CLEC12A: variants seen among roughly 807,000 people sequenced by gnomAD.
CLEC12A encodes C-type lectin domain family 12 member A, also known as C-type lectin protein CLL-1.
Under a neutral mutation model 26.5 loss-of-function variants are expected in CLEC12A, and 22 were observed. That is an observed-to-expected ratio of 0.83 (90% CI 0.59 to 1.19). The LOEUF is 1.19. Among genes scored for constraint, CLEC12A ranks in the 50% most tolerant of loss-of-function variants. The pLI is 0.00. For synonymous variants in CLEC12A, 119 were observed against 101.9 expected (o/e 1.17, Z -1.01); for missense variants, 353 against 315.6 (o/e 1.12, Z -0.90).
At chr12:9,964,074 C>T (rs1863885303) in intron 1 of CLEC12A, among the ~76,000 whole-genome samples, 1 of 152,178 alleles carries the variant, frequency 6.6e-6, no homozygotes, top group East Asian at 1.9e-4. Flanking sequence ...CATAAAGGAG[C>T]AGCCACAGGA....
At chr12:9,975,988 A>G (rs1864320278) in intron 1 of CLEC12A, among the ~76,000 whole-genome samples, 1 of 152,198 alleles carries the variant, frequency 6.6e-6, no homozygotes, top group Non-Finnish European at 1.5e-5. Context: ...TGAGCCTTTG[A>G]GTGCACAGAA....
downstream of CLEC12A, among the ~76,000 whole-genome samples, chr12:9,988,053 A>G (rs1864811396): frequency 6.6e-6 from 1 of 152,144 alleles, no homozygotes; most frequent in Non-Finnish European, 1.5e-5. Context: ...TTGGGAAGAC[A>G]TGATTGATTT....
chr12:10,002,752 C>A, the CLEC12A span, among the ~76,000 whole-genome samples: 10 of 152,120 alleles, frequency 6.6e-5, no homozygotes, highest in Non-Finnish European at 1.5e-4. Context: ...ATTTGAGGAA[C>A]TTTTTAATCA....
chr12:9,968,033 G>T (rs1864006258), upstream of CLEC12A, among the ~76,000 whole-genome samples: 1 of 152,198 alleles, frequency 6.6e-6, no homozygotes, highest in Non-Finnish European at 1.5e-5. Flanking sequence ...TTAAGAGAGA[G>T]ATTGAAGGGT....
chr12:9,959,076 C>T (rs1477540174), intron 1 of CLEC12A, among the ~76,000 whole-genome samples: 1 of 152,192 alleles, frequency 6.6e-6, no homozygotes, highest in African/African-American at 2.4e-5. Context: ...AAAACTCTTC[C>T]TCCCCAGTTC....
downstream of CLEC12A, among the ~76,000 whole-genome samples, chr12:9,990,422 C>G (rs1565567354): frequency 6.6e-6 from 1 of 152,156 alleles, no homozygotes; most frequent in Non-Finnish European, 1.5e-5. Flanking sequence ...TGCAGGCGTT[C>G]AAGACTTCAG....
chr12:9,992,092 G>A (rs1471338636), intron 4 of CLEC12A: 1 of 152,106 alleles, frequency 6.6e-6, no homozygotes, highest in East Asian at 1.9e-4. Flanking sequence ...AAAAAGGGAA[G>A]CTGTGGGAAA....
chr12:9,966,388 G>A lies in CLEC12A; in HGVS notation c.11-5189G>A, dbSNP rs1006756560. On this transcript the variant is annotated intron_variant, in intron 1 of 6. Coordinates refer to the CLEC12A transcript ENST00000355690. ...GTCAGTCAGAGAGCCTTGGGGCAGAGTTCCAGGGGCTATGGGAGTGGCTGC... is the reference window on the plus strand; with the variant it reads ...GTCAGTCAGAGAGCCTTGGGGCAGAATTCCAGGGGCTATGGGAGTGGCTGC... Among the ~76,000 whole-genome samples the A allele has an allele frequency of 4.4e-5, 5 of 112,436 alleles. No individual in the cohort carries two copies. In the South Asian group the frequency reaches 1.3e-3, roughly 30 times the overall value. 73.8% of individuals were successfully genotyped at this position (112,436 alleles called of 152,430 possible).
chr12:9,998,038 C>T (rs1469327923), downstream of CLEC12A, among the ~76,000 whole-genome samples: 1 of 152,146 alleles, frequency 6.6e-6, no homozygotes, highest in African/African-American at 2.4e-5. Flanking sequence ...TGAGGAGGGT[C>T]TTAAAGGCCA....
intron 1 of CLEC12A, among the ~76,000 whole-genome samples, chr12:9,964,284 A>G (rs1254152971): frequency 3.9e-5 from 6 of 152,154 alleles, no homozygotes; most frequent in Non-Finnish European, 8.8e-5. Flanking sequence ...TTGGAGGTGT[A>G]GGAGACAGGA....
At chr12:9,960,192 G>A (rs1274513402) in intron 1 of CLEC12A, among the ~76,000 whole-genome samples, 2 of 152,190 alleles carry the variant, frequency 1.3e-5, no homozygotes, top group Non-Finnish European at 2.9e-5. Flanking sequence ...AGGGGAAACA[G>A]TCATGCTCTT....
exon 5 of CLEC12A, chr12:9,995,231 T>C (rs778816261): frequency 1.9e-6 from 3 of 1,612,722 alleles, no homozygotes; most frequent in Admixed American, 1.7e-5. Flanking sequence ...AAATGAGTCC[T>C]GGCTTTGATG....
chr12:9,984,110 T>C, intron 5 of CLEC12A: 1 of 205,366 alleles, frequency 4.9e-6, no homozygotes, highest in Non-Finnish European at 1.0e-5. Context: ...GATATATATA[T>C]GTGTGTGTGT....
At position 9,983,536 on chromosome 12, in the gene CLEC12A, T is replaced by C. The variant is rs146488449; in HGVS notation, c.642-1334T>C. 6.4e-4 allele frequency: 446 copies of C among 696,138 alleles called. 3 individuals are homozygous for C. The African/African-American group carries it at 6.7e-3, about 10-fold the overall frequency. The allele number at this position is 696,138 out of a possible 1,614,324, so 43.1% of individuals were successfully genotyped here. On this transcript the variant is annotated intron_variant, in intron 5 of 5. Coordinates refer to ENST00000304361, the MANE Select transcript of CLEC12A (RefSeq NM_138337.6). ...TCTGAAATTTGGGAAGCAGAAAATA[T>C]CAAACGAAGAAAGAAACCAGAGTCT...
chr12:9,970,481 T>C (rs1864088977), upstream of CLEC12A, among the ~76,000 whole-genome samples: 1 of 152,178 alleles, frequency 6.6e-6, no homozygotes, highest in Non-Finnish European at 1.5e-5. Flanking sequence ...TCAAGAAGAA[T>C]TTTAAAGTAA....
intron 1 of CLEC12A, chr12:9,952,774 G>A (rs1863646762): frequency 1.9e-5 from 2 of 103,850 alleles, no homozygotes; most frequent in South Asian, 3.9e-4. Flanking sequence ...AGTGAGGAGC[G>A]TCTCTGCCCG....
At position 9,979,463 on chromosome 12, in the gene CLEC12A, C is replaced by G. The variant is rs767452134; in HGVS notation, c.318C>G (p.Leu106=). 5 of 1,613,470 alleles carry G rather than the reference C, an allele frequency of 3.1e-6. No individual in the cohort carries two copies. Among genetic ancestry groups the G allele is most frequent in the Non-Finnish European group, 4.2e-6 (5 of 1,179,680 alleles). ...ATATCTCCAACAAGATCAGGAACCT[C>G]TCCACCACACTGCAAACAATAGCCA... The part of the protein sequence containing the change: ...NMNISNKIRN[L]STTLQTIATK... Residue 106 remains leucine (L), a synonymous_variant, in exon 3 of 6, where the codon CTC becomes CTG. Transcript: ENST00000304361.
intron 1 of CLEC12A, among the ~76,000 whole-genome samples, chr12:9,954,568 A>G (rs908294943): frequency 6.6e-6 from 1 of 152,202 alleles, no homozygotes; most frequent in Non-Finnish European, 1.5e-5. Flanking sequence ...TGGATTACCT[A>G]TCAGAACAAA....
intron 1 of CLEC12A, among the ~76,000 whole-genome samples, chr12:9,961,036 ATTGGTT>A (rs1296595532): frequency 6.6e-6 from 1 of 152,180 alleles, no homozygotes; most frequent in Non-Finnish European, 1.5e-5. Flanking sequence ...TCAGGTACAC[ATTGGTT>A]TTGTACATTT....
Sources: allele counts gnomAD v4.1 joint callset (sites outside exome capture counted in the v4.1 genomes callset), GRCh38; gene constraint gnomAD v4.1.1; transcripts MANE v1.5; gene names NCBI Gene and HGNC (gene_info 2026-07-23, HGNC 2026-07-21).